Variants in APOBEC3C observed in about 807,000 individuals in gnomAD.
APOBEC3C encodes the protein apolipoprotein B mRNA editing enzyme catalytic subunit 3C, also known as DNA dC->dU-editing enzyme APOBEC-3C.
A neutral mutation model predicts 20.6 loss-of-function variants in APOBEC3C; 14 were observed. The ratio of observed to expected loss-of-function variants is 0.68; its 90% CI spans 0.45 to 1.06. The LOEUF (loss-of-function observed/expected upper bound fraction) is 1.06. Ranked by LOEUF, APOBEC3C falls within the 50% of genes least tolerant of loss-of-function variation. The probability of loss-of-function intolerance (pLI) is 0.00; values close to 1 mark genes in which losing one functional copy is unlikely to be tolerated. For missense variants in APOBEC3C, 244 were observed against 241.9 expected (o/e 1.01, Z -0.06); for synonymous variants, 98 against 88.8 (o/e 1.10, Z -0.58).
At chr22:39,015,381 G>A (rs900126297) in intron 1 of APOBEC3C, among the ~76,000 whole-genome samples, 1 of 151,900 alleles carries the variant, frequency 6.6e-6, no homozygotes, top group African/African-American at 2.4e-5. Context: ...AGCTAGGAGA[G>A]GTCACCCCGG....
In APOBEC3C at chr22:39,014,274, T is replaced by G; in HGVS notation, c.-89T>G. The G allele has an allele frequency of 6.4e-7, 1 of 1,559,424 alleles. No individual in the cohort carries two copies. Among genetic ancestry groups the G allele is most frequent in the Non-Finnish European group, 8.8e-7 (1 of 1,131,304 alleles). On this transcript the variant is annotated 5_prime_UTR_variant, in exon 1 of 4. Transcript: ENST00000361441. ...GGGAGGTCACTTTAAAGAGGGCTGCTCAACTGCAAGGACGCTGTAAGCAGG... is the reference window on the plus strand; with the variant it reads ...GGGAGGTCACTTTAAAGAGGGCTGCGCAACTGCAAGGACGCTGTAAGCAGG...
In APOBEC3C at chr22:39,015,715, A is replaced by C; in HGVS notation, c.138A>C (p.Ser46=). ...CFTVEGIKRR[S]VVSWKTGVFR... is the part of the protein sequence containing the mutation. ...CCGTGGAAGGTATAAAGCGCCGCTC[A>C]GTTGTCTCCTGGAAGACGGGCGTCT... The change falls in exon 2 of 4, where the codon TCA becomes TCC. Residue 46 remains serine, a synonymous_variant. Coordinates refer to ENST00000361441, the MANE Select transcript of APOBEC3C (RefSeq NM_014508.3). 6.2e-7 allele frequency: 1 copy of C among 1,614,080 alleles called. No homozygotes were observed. The highest frequency in any genetic ancestry group is 1.1e-5 in the South Asian group (1 of 91,080).
In APOBEC3C at chr22:39,014,271, T is replaced by G. The variant is rs1357306449; in HGVS notation, c.-92T>G. 1.3e-6 allele frequency: 2 copies of G among 1,541,366 alleles called. No homozygotes were observed. Among genetic ancestry groups the G allele is most frequent in the Admixed American group, 3.3e-5 (2 of 59,734 alleles). On this transcript the variant is annotated 5_prime_UTR_variant, in exon 1 of 4. Transcript: ENST00000361441. ...CCTGGGAGGTCACTTTAAAGAGGGC[T>G]GCTCAACTGCAAGGACGCTGTAAGC...
Position 39,015,849 on chromosome 22 carries a change from G to T in APOBEC3C, c.174+98G>T, listed in dbSNP as rs1305112627. The T allele has an allele frequency of 9.2e-6, 11 of 1,201,724 alleles. No homozygotes were observed. In the African/African-American group the frequency reaches 1.3e-4, roughly 14 times the overall value. 74.4% of individuals were successfully genotyped at this position (1,201,724 alleles called of 1,614,324 possible). A position where few individuals can be genotyped will look rare whatever the true frequency, so the allele number is the denominator to read the frequency against. On this transcript the variant is annotated intron_variant, in intron 2 of 3. Coordinates refer to ENST00000361441, the MANE Select transcript of APOBEC3C (RefSeq NM_014508.3). ...TGATGTGCCCGGCGTGGGCTCTCCT[G>T]TGTGCACTTTCCTGCCACATTTCTA... is the stretch of plus-strand genomic sequence containing the variant.
intron 2 of APOBEC3C, among the ~76,000 whole-genome samples, chr22:39,016,190 ATTATTTAT>A (rs3043484): frequency 7.1e-6 from 1 of 141,414 alleles, no homozygotes; most frequent in Non-Finnish European, 1.5e-5. Flanking sequence ...TCCTCCCCAC[ATTATTTAT>A]TTATTTATTT....
At position 39,014,266 on chromosome 22, in the gene APOBEC3C, A is replaced by T. The variant is rs1235674548; in HGVS notation, c.-97A>T. ...AAGGCCCTGGGAGGTCACTTTAAAG[A>T]GGGCTGCTCAACTGCAAGGACGCTG... On this transcript the variant is annotated 5_prime_UTR_variant, in exon 1 of 4. Coordinates refer to ENST00000361441, the MANE Select transcript of APOBEC3C (RefSeq NM_014508.3). The T allele has an allele frequency of 1.3e-6, 2 of 1,508,574 alleles. No individual in the cohort carries two copies. The highest frequency in any genetic ancestry group is 1.4e-5 in the African/African-American group (1 of 72,488). The allele number at this position is 1,508,574 out of a possible 1,614,324, so 93.4% of individuals were successfully genotyped here. A position where few individuals can be genotyped will look rare whatever the true frequency, so the allele number is the denominator to read the frequency against.
chr22:39,015,729 A>G lies in APOBEC3C; in HGVS notation c.152A>G (p.Lys51Arg). 1.2e-6 allele frequency: 2 copies of G among 1,614,012 alleles called. No homozygotes were observed. ...GIKRRSVVSW[K>R]TGVFRNQVDS... Reference sequence around the variant, plus strand: ...AAGCGCCGCTCAGTTGTCTCCTGGAAGACGGGCGTCTTCCGAAACCAGGTA... The same window carrying G: ...AAGCGCCGCTCAGTTGTCTCCTGGAGGACGGGCGTCTTCCGAAACCAGGTA... Residue 51 changes from lysine to arginine, a missense_variant, in exon 2 of 4, where the codon AAG (lysine) becomes AGG (arginine). Physicochemically the swap from Lys to Arg is conservative, Grantham distance 26. Coordinates refer to ENST00000361441, the MANE Select transcript of APOBEC3C (RefSeq NM_014508.3).
In APOBEC3C at chr22:39,017,934, A is replaced by T. The variant is rs759231713; in HGVS notation, c.343A>T (p.Asn115Tyr). Residue 115 changes from asparagine (N) to tyrosine (Y), a missense_variant, in exon 3 of 4, where the codon AAT becomes TAT. Coordinates refer to ENST00000361441, the MANE Select transcript of APOBEC3C (RefSeq NM_014508.3). The part of the protein sequence containing the change: ...AEFLARHSNV[N>Y]LTIFTARLYY... ...GTTCCTGGCCAGGCACAGCAACGTG[A>T]ATCTCACCATCTTCACCGCCCGCCT... 6 of 1,614,160 alleles carry T rather than the reference A, an allele frequency of 3.7e-6. No individual in the cohort carries two copies. Among genetic ancestry groups the T allele is most frequent in the Middle Eastern group, 1.6e-4 (1 of 6,062 alleles).
intron 2 of APOBEC3C, among the ~76,000 whole-genome samples, chr22:39,017,376 G>T (rs931987211): frequency 1.1e-4 from 16 of 152,146 alleles, no homozygotes; most frequent in African/African-American, 3.9e-4. Flanking sequence ...TGTGGTTTAT[G>T]CTCATAGTCC....
In APOBEC3C at chr22:39,015,677, T is replaced by C. The variant is rs1924754568; in HGVS notation, c.100T>C (p.Trp34Arg). ...LWEANDRNET[W>R]LCFTVEGIKR... ...GGAAGCCAACGATCGGAACGAAACT[T>C]GGCTGTGCTTCACCGTGGAAGGTAT... is the stretch of plus-strand genomic sequence containing the variant. Residue 34 changes from tryptophan (W) to arginine (R), a missense_variant, in exon 2 of 4, where the codon TGG becomes CGG. By Grantham distance (101) the Trp-to-Arg change is moderately radical. Coordinates refer to ENST00000361441, the MANE Select transcript of APOBEC3C (RefSeq NM_014508.3). The C allele has an allele frequency of 1.2e-6, 2 of 1,614,150 alleles. No homozygotes were observed. Among genetic ancestry groups the C allele is most frequent in the East Asian group, 2.2e-5 (1 of 44,874 alleles).
chr22:39,018,165 CCCACT>C (rs1924871390), intron 3 of APOBEC3C, 99 bp from the exon 4 acceptor site: 55 of 1,567,688 alleles, frequency 3.5e-5, no homozygotes, highest in Non-Finnish European at 4.5e-5. Context: ...CGGGCCAGCG[CCCACT>C]GCAACTGGCA....
rs201957439 is a variant in APOBEC3C at position 39,015,691 on chromosome 22, C to A, written c.114C>A (p.Thr38=). The change falls in exon 2 of 4, where the codon ACC becomes ACA. Residue 38 remains threonine, a synonymous_variant. Coordinates refer to ENST00000361441, the MANE Select transcript of APOBEC3C (RefSeq NM_014508.3). ...NDRNETWLCF[T]VEGIKRRSVV... ...GGAACGAAACTTGGCTGTGCTTCAC[C>A]GTGGAAGGTATAAAGCGCCGCTCAG... 29 of 1,614,012 alleles carry A rather than the reference C, an allele frequency of 1.8e-5. No homozygotes were observed. In the South Asian group the frequency reaches 2.4e-4, roughly 13 times the overall value.
Position 39,017,813 on chromosome 22 carries a change from G to C in APOBEC3C, c.222G>C (p.Trp74Cys), listed in dbSNP as rs1924847791. The C allele has an allele frequency of 6.2e-7, 1 of 1,613,818 alleles. No individual in the cohort carries two copies. Among genetic ancestry groups the C allele is most frequent in the Non-Finnish European group, 8.5e-7 (1 of 1,179,926 alleles). The change falls in exon 3 of 4, where the codon TGG becomes TGC. Residue 74 changes from tryptophan (W) to cysteine (C), a missense_variant. Coordinates refer to ENST00000361441, the MANE Select transcript of APOBEC3C (RefSeq NM_014508.3). ...HCHAERCFLS[W>C]FCDDILSPNT... is the part of the protein sequence containing the mutation. ...ATGCAGAAAGGTGCTTCCTCTCTTG[G>C]TTCTGCGACGACATACTGTCTCCTA... is the stretch of plus-strand genomic sequence containing the variant.
At position 39,019,107 on chromosome 22, in the gene APOBEC3C, G is replaced by A. The variant is rs1924914499; in HGVS notation, c.*720G>A. 6.6e-6 allele frequency: 1 copy of A among 152,216 alleles called. No individual in the cohort carries two copies. Among genetic ancestry groups the A allele is most frequent in the Non-Finnish European group, 1.5e-5 (1 of 68,052 alleles). The allele number at this position is 152,216 out of a possible 1,614,324, so 9.4% of individuals were successfully genotyped here. On this transcript the variant is annotated 3_prime_UTR_variant, in exon 4 of 4. Transcript: ENST00000361441. ...TCATCCTATGAATTGGGTCATTCAT[G>A]TCCTACCCAGCTAAAACAGAGGCCA...
chr22:39,016,141 G>C (rs562825247), intron 2 of APOBEC3C, among the ~76,000 whole-genome samples: 1 of 149,574 alleles, frequency 6.7e-6, no homozygotes, highest in African/African-American at 2.5e-5. Flanking sequence ...GCCTCCCAAA[G>C]TGCTAGGATT....
chr22:39,017,837 T>C lies in APOBEC3C; in HGVS notation c.246T>C (p.Pro82=). Residue 82 remains proline (P), a synonymous_variant, in exon 3 of 4, where the codon CCT becomes CCC. Transcript: ENST00000361441. ...LSWFCDDILS[P]NTKYQVTWYT... The stretch of plus-strand genomic sequence containing the variant: ...GGTTCTGCGACGACATACTGTCTCC[T>C]AACACAAAGTACCAGGTCACCTGGT... The C allele has an allele frequency of 6.2e-7, 1 of 1,614,112 alleles. No homozygotes were observed. Among genetic ancestry groups the C allele is most frequent in the African/African-American group, 1.3e-5 (1 of 75,036 alleles).
rs147170005 is a variant in APOBEC3C at position 39,017,699 on chromosome 22, G to A, written c.175-67G>A. 1.4e-3 allele frequency: 2,159 copies of A among 1,560,082 alleles called. 21 individuals carry two copies. In the African/African-American group the frequency reaches 0.025, roughly 18 times the overall value. On this transcript the variant is annotated intron_variant, in intron 2 of 3. Coordinates refer to ENST00000361441, the MANE Select transcript of APOBEC3C (RefSeq NM_014508.3). ...TCCAGGCCCGCCCTCTGCTCCCATC[G>A]CCCCACCCCTGCACTCCTCCTGCTC...
chr22:39,015,310 A>G (rs369601385), intron 1 of APOBEC3C, among the ~76,000 whole-genome samples: 1 of 151,390 alleles, frequency 6.6e-6, no homozygotes, highest in African/African-American at 2.4e-5. Flanking sequence ...AAAAAAAAAA[A>G]AGTAGCAGAA....
Position 39,017,952 on chromosome 22 carries a change from GC to G in APOBEC3C, c.364del (p.Arg122AlafsTer17), listed in dbSNP as rs1301213865. 1.2e-6 allele frequency: 2 copies of G among 1,614,046 alleles called. No individual in the cohort carries two copies. Among genetic ancestry groups the G allele is most frequent in the Non-Finnish European group, 1.7e-6 (2 of 1,180,030 alleles). Reference sequence around the variant, plus strand: ...CAACGTGAATCTCACCATCTTCACCGCCCGCCTCTACTACTTCCAGTATCCA... The same window carrying G: ...CAACGTGAATCTCACCATCTTCACCGCCGCCTCTACTACTTCCAGTATCCA... ...HSNVNLTIFTARLYYFQYPCY... is the reference protein window; with the variant it reads ...HSNVNLTIFTXRLYYFQYPCY... On this transcript the variant is annotated frameshift_variant, in exon 3 of 4. Coordinates refer to ENST00000361441, the MANE Select transcript of APOBEC3C (RefSeq NM_014508.3). LOFTEE classifies it high-confidence loss of function.
Sources: gnomAD v4.1 joint callset for allele counts (sites outside exome capture counted in the v4.1 genomes callset) on GRCh38, gnomAD v4.1.1 for gene constraint, MANE v1.5 for transcripts, NCBI Gene and HGNC (gene_info 2026-07-23, HGNC 2026-07-21) for gene names.